OLFM1: variants seen among roughly 807,000 people sequenced by gnomAD.
OLFM1 encodes noelin.
Under a neutral mutation model 49.7 loss-of-function variants are expected in OLFM1, and 9 were observed. That is an observed-to-expected ratio of 0.18 (90% CI 0.11 to 0.32). OLFM1 has a LOEUF of 0.32. OLFM1 is among the 10% of genes least tolerant of loss of function. The probability of loss-of-function intolerance (pLI) is 1.00; values close to 1 mark genes in which losing one functional copy is unlikely to be tolerated. For missense variants in OLFM1, 369 were observed against 661.8 expected (o/e 0.56, Z 4.85); for synonymous variants, 240 against 271.8 (o/e 0.88, Z 1.15).
At chr9:135,103,543 C>T (rs111314499) in intron 4 of OLFM1, among the ~76,000 whole-genome samples, 172 of 152,314 alleles carry the variant, frequency 1.1e-3, no homozygotes, top group African/African-American at 3.7e-3. Flanking sequence ...AAAGAGGGAG[C>T]TGGAGAGGGT....
At chr9:135,077,168 A>T (rs1564264613) in intron 1 of OLFM1, 1 of 1,542,682 alleles carries the variant, frequency 6.5e-7, no homozygotes, top group African/African-American at 1.4e-5. Context: ...ACACACACAC[A>T]TGCACACACA....
intron 5 of OLFM1, among the ~76,000 whole-genome samples, chr9:135,110,267 A>G (rs1831003999): frequency 6.6e-6 from 1 of 152,106 alleles, no homozygotes. Context: ...TGCTCTGACC[A>G]TGGCCTGCCT....
intron 1 of OLFM1, chr9:135,077,238 A>T: frequency 6.7e-7 from 1 of 1,496,478 alleles, no homozygotes; most frequent in Non-Finnish European, 8.9e-7. Flanking sequence ...AAGCTGCCCC[A>T]CAAAGGGCTA....
At chr9:135,096,377 T>C (rs1467704057) in intron 3 of OLFM1, among the ~76,000 whole-genome samples, 1 of 151,632 alleles carries the variant, frequency 6.6e-6, no homozygotes, top group Non-Finnish European at 1.5e-5. Flanking sequence ...AGGCTGGGTG[T>C]GCTTTCCCTT....
intron 2 of OLFM1, among the ~76,000 whole-genome samples, chr9:135,091,373 C>A (rs889668137): frequency 3.3e-5 from 5 of 152,204 alleles, no homozygotes; most frequent in Admixed American, 2.0e-4. Context: ...TGCCTATGGG[C>A]AGGGAACTTT....
chr9:135,098,391 C>G lies in OLFM1; in HGVS notation c.562C>G (p.Leu188Val), dbSNP rs1022143315. ...GCAGTTTAAAGAGGAGGTCCAGAAT[C>G]TGACGTCAGTGCTTAACGAGCTGCA... The part of the protein sequence containing the change: ...VLQFKEEVQN[L>V]TSVLNELQEE... The change falls in exon 4 of 6, where the codon CTG becomes GTG. Residue 188 changes from leucine (L) to valine (V), a missense_variant. Physicochemically the swap from Leu to Val is conservative, Grantham distance 32 (BLOSUM62 1). Coordinates refer to ENST00000371793, the MANE Select transcript of OLFM1 (RefSeq NM_001282611.2). This position sits in a 1 kb window ranked among gnomAD's most constrained non-coding sequence, Gnocchi z 5.6. 6.2e-7 allele frequency: 1 copy of G among 1,613,952 alleles called. No homozygotes were observed. Among genetic ancestry groups the G allele is most frequent in the African/African-American group, 1.3e-5 (1 of 75,064 alleles).
chr9:135,110,953 G>A (rs969576437), intron 5 of OLFM1, among the ~76,000 whole-genome samples: 4 of 152,226 alleles, frequency 2.6e-5, no homozygotes, highest in African/African-American at 9.6e-5. Flanking sequence ...CTTCCCGGGG[G>A]CTGCATCAGA....
chr9:135,076,333 T>C, intron 1 of OLFM1: 2 of 1,548,846 alleles, frequency 1.3e-6, no homozygotes, highest in Non-Finnish European at 1.7e-6. Flanking sequence ...CGGCCAGCTG[T>C]GTGCATTGCT....
chr9:135,100,085 TG>T (rs1233813619), intron 4 of OLFM1, among the ~76,000 whole-genome samples: 1 of 152,048 alleles, frequency 6.6e-6, no homozygotes, highest in African/African-American at 2.4e-5. Context: ...AATCCAGTGG[TG>T]GGGTCTTTTT....
intron 4 of OLFM1, among the ~76,000 whole-genome samples, chr9:135,101,529 A>G (rs778803473): frequency 1.7e-4 from 26 of 152,334 alleles, no homozygotes; most frequent in Non-Finnish European, 3.2e-4. Context: ...TTTTGATGGC[A>G]TTATATGATT....
Position 135,087,895 on chromosome 9 carries a change from G to A in OLFM1, c.-95G>A. ...AGGGGGCGCGGGGACACAGCCAGGCGCCCCTGCCCGCCGCGGTGCCCGCCG... is the reference window on the plus strand; with the variant it reads ...AGGGGGCGCGGGGACACAGCCAGGCACCCCTGCCCGCCGCGGTGCCCGCCG... On this transcript the variant is annotated 5_prime_UTR_variant, in exon 1 of 6. Transcript: ENST00000371793. 9.1e-7 allele frequency: 1 copy of A among 1,093,902 alleles called. No homozygotes were observed. The highest frequency in any genetic ancestry group is 1.1e-6 in the Non-Finnish European group (1 of 897,806). The allele number at this position is 1,093,902 out of a possible 1,614,324, so 67.8% of individuals were successfully genotyped here.
At chr9:135,119,028 A>AGTG (rs1564282639) in intron 5 of OLFM1, among the ~76,000 whole-genome samples, 4 of 110,838 alleles carry the variant, frequency 3.6e-5, no homozygotes, top group African/African-American at 7.9e-5. Flanking sequence ...TCTTTGGATT[A>AGTG]CTCACTGGAT....
intron 4 of OLFM1, among the ~76,000 whole-genome samples, chr9:135,104,232 G>A (rs1428524090): frequency 6.6e-6 from 1 of 152,212 alleles, no homozygotes. Context: ...AGTGAAGGTG[G>A]GTGGGAAGGT....
chr9:135,100,031 C>T (rs989720296), intron 4 of OLFM1, among the ~76,000 whole-genome samples: 2 of 152,156 alleles, frequency 1.3e-5, no homozygotes, highest in Admixed American at 1.3e-4. Flanking sequence ...CTCTCCAGGA[C>T]CTCCAAACAC....
intron 5 of OLFM1, among the ~76,000 whole-genome samples, chr9:135,108,381 C>T (rs1468544109): frequency 6.6e-6 from 1 of 152,148 alleles, no homozygotes; most frequent in Middle Eastern, 3.2e-3. Context: ...CACCTGTAAT[C>T]CCAGCACTTT....
chr9:135,096,850 G>A (rs537211388), intron 3 of OLFM1, among the ~76,000 whole-genome samples: 11 of 152,166 alleles, frequency 7.2e-5, no homozygotes, highest in Non-Finnish European at 1.6e-4. Context: ...TTTCCACCTC[G>A]TGGGAAGTGT....
Position 135,090,357 on chromosome 9 carries a change from A to C in OLFM1, c.300+13A>C, listed in dbSNP as rs1425524840. The stretch of plus-strand genomic sequence containing the variant: ...GCTACTGGAGAAGGTGAGTCTGCGC[A>C]GAGTGTGTGAGTTTGTATGTGTGTG... On this transcript the variant is annotated intron_variant, in intron 2 of 5. Coordinates refer to ENST00000371793, the MANE Select transcript of OLFM1 (RefSeq NM_001282611.2). 10 of 1,599,802 alleles carry C rather than the reference A, an allele frequency of 6.3e-6. No homozygotes were observed. The highest frequency in any genetic ancestry group is 8.5e-6 in the Non-Finnish European group (10 of 1,175,538).
At chr9:135,083,652 C>T (rs951968969), upstream of OLFM1, among the ~76,000 whole-genome samples, 1 of 152,204 alleles carries the variant, frequency 6.6e-6, no homozygotes, top group African/African-American at 2.4e-5. Context: ...TCAGGCCAGC[C>T]GTGCTCACAA....
chr9:135,117,991 G>C lies in OLFM1; in HGVS notation c.784-1513G>C, dbSNP rs1323463678. On this transcript the variant is annotated intron_variant, in intron 5 of 5. Transcript: ENST00000371793. This position sits in a 1 kb window ranked among gnomAD's most constrained non-coding sequence, Gnocchi z 5.5. The stretch of plus-strand genomic sequence containing the variant: ...CCTTTTGAGGAGTGTGCTGGGTTTG[G>C]AGGTAGGACGTGGCACCCTTTGGTT... Among the ~76,000 whole-genome samples the C allele has an allele frequency of 6.6e-6, 1 of 152,238 alleles. No individual in the cohort carries two copies. Among genetic ancestry groups the C allele is most frequent in the Non-Finnish European group, 1.5e-5 (1 of 68,044 alleles).
Sources: gnomAD v4.1 joint callset for allele counts (sites outside exome capture counted in the v4.1 genomes callset) on GRCh38, gnomAD v4.1.1 for gene constraint, Gnocchi (gnomAD v3.1) non-coding constraint, MANE v1.5 for transcripts, NCBI Gene and HGNC (gene_info 2026-07-23, HGNC 2026-07-21) for gene names.